Variants in CDK14 observed in about 807,000 individuals in gnomAD.
CDK14 encodes cyclin-dependent kinase 14.
A neutral mutation model predicts 60.7 loss-of-function variants in CDK14; 34 were observed. The observed-to-expected ratio is 0.56, with a 90% CI of 0.43 to 0.75. The LOEUF is 0.75. Ranked by LOEUF, CDK14 falls within the 30% of genes least tolerant of loss-of-function variation. The probability of loss-of-function intolerance (pLI) is 0.00; values close to 1 mark genes in which losing one functional copy is unlikely to be tolerated. For synonymous variants in CDK14, 197 were observed against 203.7 expected (o/e 0.97, Z 0.28); for missense variants, 482 against 564.1 (o/e 0.85, Z 1.47).
At chr7:90,978,690 C>T (rs1334279902) in intron 9 of CDK14, among the ~76,000 whole-genome samples, 1 of 151,986 alleles carries the variant, frequency 6.6e-6, no homozygotes, top group African/African-American at 2.4e-5. Flanking sequence ...AAAAATCACT[C>T]CACATATTTT....
At chr7:91,138,581 T>G (rs902601400) in intron 14 of CDK14, among the ~76,000 whole-genome samples, 1 of 152,200 alleles carries the variant, frequency 6.6e-6, no homozygotes, top group Non-Finnish European at 1.5e-5. Flanking sequence ...ATTTGCATTC[T>G]CTTTCACTTT....
At chr7:90,781,292 G>T (rs1805309023) in intron 4 of CDK14, among the ~76,000 whole-genome samples, 1 of 152,114 alleles carries the variant, frequency 6.6e-6, no homozygotes. Context: ...ATTTGTTTGA[G>T]TTCATTGTAG....
intron 2 of CDK14, among the ~76,000 whole-genome samples, chr7:90,677,564 T>C (rs1296670584): frequency 1.3e-5 from 2 of 152,198 alleles, no homozygotes; most frequent in East Asian, 3.9e-4. Context: ...CTCTTTTGTG[T>C]ATTCACTAAA....
chr7:90,901,598 G>C (rs1792506594), intron 7 of CDK14, among the ~76,000 whole-genome samples: 1 of 151,636 alleles, frequency 6.6e-6, no homozygotes, highest in Admixed American at 6.6e-5. Flanking sequence ...CATATTTGTG[G>C]ATACAAGAAA....
intron 10 of CDK14, among the ~76,000 whole-genome samples, chr7:91,028,193 A>T (rs376529323): frequency 2.0e-5 from 3 of 151,604 alleles, no homozygotes; most frequent in African/African-American, 7.3e-5. Context: ...AATGGCCTCC[A>T]GTTCCATCCA....
chr7:91,016,293 C>T (rs1796300969), intron 10 of CDK14, among the ~76,000 whole-genome samples: 1 of 152,180 alleles, frequency 6.6e-6, no homozygotes, highest in Non-Finnish European at 1.5e-5. Context: ...ACCAATCACC[C>T]TTTACACACG....
Position 90,689,999 on chromosome 7 carries a change from A to T in CDK14, c.124-36568A>T, listed in dbSNP as rs552038377. ...AACGTAAGAGACTTACATTACGAAG[A>T]CTAACTACTATATTGATGCTCAAAC... On this transcript the variant is annotated intron_variant, in intron 2 of 14. Transcript: ENST00000380050. Among the ~76,000 whole-genome samples, 3 of 152,248 alleles carry T rather than the reference A, an allele frequency of 2.0e-5. No individual in the cohort carries two copies. In the East Asian group the frequency reaches 5.8e-4, roughly 29 times the overall value.
At chr7:90,741,458 G>A (rs986432546) in intron 3 of CDK14, among the ~76,000 whole-genome samples, 3 of 152,138 alleles carry the variant, frequency 2.0e-5, no homozygotes, top group Non-Finnish European at 2.9e-5. Context: ...TACACAGAAT[G>A]AGGAAACAAC....
intron 14 of CDK14, among the ~76,000 whole-genome samples, chr7:91,137,716 A>ATGTG (rs34823535): frequency 7.7e-6 from 1 of 130,612 alleles, no homozygotes; most frequent in African/African-American, 2.7e-5. Context: ...GTGTGTGTGT[A>ATGTG]TGTGTGTGTG....
chr7:90,716,371 T>G (rs1378310768), intron 2 of CDK14: 1 of 152,138 alleles, frequency 6.6e-6, no homozygotes. Context: ...AAGTTTTTCC[T>G]CCAAAGCTAC....
At chr7:91,031,863 G>T (rs1441131040) in intron 10 of CDK14, among the ~76,000 whole-genome samples, 1 of 152,222 alleles carries the variant, frequency 6.6e-6, no homozygotes, top group East Asian at 1.9e-4. Flanking sequence ...AGTATGTCCA[G>T]TAGGTCAGCA....
At chr7:91,004,809 G>A (rs1562864753) in intron 10 of CDK14, among the ~76,000 whole-genome samples, 1 of 152,224 alleles carries the variant, frequency 6.6e-6, no homozygotes, top group African/African-American at 2.4e-5. Flanking sequence ...ACCAATCAGG[G>A]TTCAGTCTGG....
At position 90,704,009 on chromosome 7, in the gene CDK14, C is replaced by T. The variant is rs903398125; in HGVS notation, c.124-22558C>T. On this transcript the variant is annotated intron_variant, in intron 2 of 14. Coordinates refer to ENST00000380050, the MANE Select transcript of CDK14 (RefSeq NM_001287135.2). Reference sequence around the variant, plus strand: ...GCTGAGGTGCTGAGTGGGAGGATCACTTGAAGCTGGGAGGTCCAGCCTGCT... The same window carrying T: ...GCTGAGGTGCTGAGTGGGAGGATCATTTGAAGCTGGGAGGTCCAGCCTGCT... Among the ~76,000 whole-genome samples, 19 of 152,194 alleles carry T rather than the reference C, an allele frequency of 1.2e-4. 1 individual carries two copies. Among genetic ancestry groups the T allele is most frequent in the Non-Finnish European group, 1.5e-5 (1 of 68,042 alleles).
chr7:90,645,209 C>T (rs1428380511), intron 2 of CDK14, among the ~76,000 whole-genome samples: 1 of 152,072 alleles, frequency 6.6e-6, no homozygotes, highest in Non-Finnish European at 1.5e-5. Context: ...AGGTTTTTTG[C>T]ACATTGTGGC....
At chr7:91,020,079 T>C (rs1355674727) in intron 10 of CDK14, among the ~76,000 whole-genome samples, 1 of 152,164 alleles carries the variant, frequency 6.6e-6, no homozygotes, top group African/African-American at 2.4e-5. Flanking sequence ...TCTCTGGTCA[T>C]GGTAGAAAGA....
At chr7:91,017,468 T>G (rs1796329250) in intron 10 of CDK14, among the ~76,000 whole-genome samples, 1 of 152,226 alleles carries the variant, frequency 6.6e-6, no homozygotes, top group Admixed American at 6.5e-5. Flanking sequence ...CCTAATAATT[T>G]TTAAAGTTGG....
chr7:90,962,550 G>C (rs1794632209), intron 9 of CDK14, among the ~76,000 whole-genome samples: 1 of 152,066 alleles, frequency 6.6e-6, no homozygotes, highest in African/African-American at 2.4e-5. Flanking sequence ...TTATCGGTGT[G>C]TATGTTTGTG....
intron 8 of CDK14, among the ~76,000 whole-genome samples, chr7:90,927,463 G>A (rs893320590): frequency 6.6e-6 from 1 of 152,206 alleles, no homozygotes; most frequent in Non-Finnish European, 1.5e-5. Flanking sequence ...TCTGTGCCAG[G>A]ATGAAGACCT....
chr7:91,158,417 G>A (rs1373112985), intron 14 of CDK14, among the ~76,000 whole-genome samples: 1 of 151,710 alleles, frequency 6.6e-6, no homozygotes, highest in Non-Finnish European at 1.5e-5. Context: ...GGGTTTTGCC[G>A]TGTTTCTCAA....
Sources: allele counts gnomAD v4.1 joint callset (sites outside exome capture counted in the v4.1 genomes callset), GRCh38; gene constraint gnomAD v4.1.1; transcripts MANE v1.5; gene names NCBI Gene and HGNC (gene_info 2026-07-23, HGNC 2026-07-21).